The following NRG3 variants were observed in gnomAD, a reference collection of about 807,000 sequenced individuals.
The protein encoded by NRG3 is pro-neuregulin-3, membrane-bound isoform.
A neutral mutation model predicts 66.9 loss-of-function variants in NRG3; 31 were observed. The observed-to-expected ratio is 0.46, with a 90% CI of 0.35 to 0.63. NRG3 has a LOEUF of 0.63. NRG3 is among the 20% of genes least tolerant of loss of function. The pLI is 0.00. For synonymous variants in NRG3, 393 were observed against 359.4 expected, an observed-to-expected ratio of 1.09 and a Z score of -1.06; for missense variants, 910 against 878.9, an observed-to-expected ratio of 1.04 and a Z score of -0.45.
rs569666405 is a variant in NRG3 at position 82,824,576 on chromosome 10, C to T, written c.1028-40835C>T. ...ATTCTAGTTATAGTAGTGTGTGTGC[C>T]GTGGTATTCCATTGTGATTTTTATT... On this transcript the variant is annotated intron_variant, in intron 3 of 8. Transcript: ENST00000372141. 2.0e-5 allele frequency among the ~76,000 whole-genome samples: 3 copies of T among 152,144 alleles called. No homozygotes were observed. The East Asian group carries it at 5.8e-4, about 29-fold the overall frequency.
At chr10:82,074,982 C>A (rs575680812) in intron 1 of NRG3, among the ~76,000 whole-genome samples, 2 of 152,262 alleles carry the variant, frequency 1.3e-5, no homozygotes, top group East Asian at 3.9e-4. Flanking sequence ...GTCTCCATCA[C>A]TTTTTTTGTG....
At chr10:82,339,066 G>A (rs192552336) in intron 1 of NRG3, among the ~76,000 whole-genome samples, 1 of 152,256 alleles carries the variant, frequency 6.6e-6, no homozygotes, top group Admixed American at 6.5e-5. Context: ...GATGTATTGG[G>A]TACTTTATGC....
chr10:82,021,783 AGTATGTGTGTGTGTGTGTGTGTGT>A lies in NRG3; in HGVS notation c.823+145623_823+145646del, dbSNP rs1447480911. On this transcript the variant is annotated intron_variant, in intron 1 of 8. Coordinates refer to ENST00000372141, the MANE Select transcript of NRG3 (RefSeq NM_001010848.4). Reference sequence around the variant, plus strand: ...AACTCTAATAAGCTTTTGGGCATGTAGTATGTGTGTGTGTGTGTGTGTGTGTGTGTGTGTGTGTGTGTGTGTGTG... The same window carrying A: ...AACTCTAATAAGCTTTTGGGCATGTAGTGTGTGTGTGTGTGTGTGTGTGTG... 1.1e-3 allele frequency among the ~76,000 whole-genome samples: 166 copies of A among 146,524 alleles called. 2 individuals are homozygous for A. The highest frequency in any genetic ancestry group is 3.3e-3 in the Admixed American group (48 of 14,712).
chr10:82,537,883 A>G (rs991457561), intron 2 of NRG3, among the ~76,000 whole-genome samples: 2 of 152,146 alleles, frequency 1.3e-5, no homozygotes, highest in Non-Finnish European at 2.9e-5. Context: ...CCCATTATTA[A>G]TAGTTATTTA....
intron 1 of NRG3, among the ~76,000 whole-genome samples, chr10:82,353,972 T>C: frequency 6.6e-6 from 1 of 151,724 alleles, no homozygotes; most frequent in Middle Eastern, 3.2e-3. Context: ...CTTACTTCGC[T>C]TCCCAGAAAT....
intron 8 of NRG3, chr10:82,984,706 G>A: frequency 1.4e-6 from 2 of 1,438,070 alleles, no homozygotes; most frequent in Non-Finnish European, 1.9e-6. Flanking sequence ...GTGGACTAAT[G>A]CCATTATGGG....
At chr10:81,979,058 G>A (rs12411906) in intron 1 of NRG3, among the ~76,000 whole-genome samples, 8,350 of 151,930 alleles carry the variant, frequency 0.055, 617 homozygotes, top group East Asian at 0.27. Flanking sequence ...GCGTAGTGGC[G>A]CACGCCTGTA....
chr10:82,092,888 T>C (rs1465091409), intron 1 of NRG3, among the ~76,000 whole-genome samples: 1 of 152,156 alleles, frequency 6.6e-6, no homozygotes, highest in Non-Finnish European at 1.5e-5. Context: ...GTTGCTGCCA[T>C]GGAACATAAA....
rs536518919 is a variant in NRG3 at position 82,349,773 on chromosome 10, C to G, written c.824-8966C>G. Among the ~76,000 whole-genome samples the G allele has an allele frequency of 4.6e-5, 7 of 152,300 alleles. No individual in the cohort carries two copies. The East Asian group carries it at 9.7e-4, about 21-fold the overall frequency. On this transcript the variant is annotated intron_variant, in intron 1 of 8. Transcript: ENST00000372141. ...TGCGGGATAGAATCTCTTGGTGTGC[C>G]GTTTTTTAAGCCAGTCGGAAAAGCG...
At chr10:82,924,662 G>A (rs1184623499) in intron 4 of NRG3, among the ~76,000 whole-genome samples, 2 of 151,490 alleles carry the variant, frequency 1.3e-5, no homozygotes, top group Non-Finnish European at 2.9e-5. Context: ...AGCATTCAAA[G>A]CTACCTGGTA....
At chr10:82,383,043 A>T (rs7902815) in intron 2 of NRG3, among the ~76,000 whole-genome samples, 62,438 of 151,814 alleles carry the variant, frequency 0.41, 15,925 homozygotes, top group African/African-American at 0.72. Flanking sequence ...TATTTCACGG[A>T]ATACCTTCAA....
intron 1 of NRG3, 49 bp downstream of exon 1, chr10:81,876,212 C>T (rs1165313392): frequency 3.3e-6 from 5 of 1,518,706 alleles, no homozygotes; most frequent in Non-Finnish European, 4.4e-6. Flanking sequence ...AGTTTCCCTT[C>T]TGCCCTCCTG....
intron 3 of NRG3, among the ~76,000 whole-genome samples, chr10:82,813,776 A>G (rs1218438858): frequency 6.6e-6 from 1 of 152,210 alleles, no homozygotes; most frequent in Non-Finnish European, 1.5e-5. Flanking sequence ...GACCATAAAA[A>G]TCATTGACAA....
chr10:82,624,079 C>A (rs1261199687), intron 2 of NRG3, among the ~76,000 whole-genome samples: 1 of 152,106 alleles, frequency 6.6e-6, no homozygotes, highest in African/African-American at 2.4e-5. Context: ...TACTTAATAC[C>A]TCTGGGTTTA....
chr10:82,013,933 G>A (rs1053802749), intron 1 of NRG3, among the ~76,000 whole-genome samples: 2 of 152,036 alleles, frequency 1.3e-5, no homozygotes, highest in Admixed American at 6.6e-5. Flanking sequence ...TTAATAGCAC[G>A]TATTGGTGAT....
At position 82,408,125 on chromosome 10, in the gene NRG3, AAGAAAG is replaced by A. The variant is rs776460139; in HGVS notation, c.953+49259_953+49264del. On this transcript the variant is annotated intron_variant, in intron 2 of 8. Coordinates refer to ENST00000372141, the MANE Select transcript of NRG3 (RefSeq NM_001010848.4). Reference sequence around the variant, plus strand: ...AAAGAAAGAAAGAAAGAAAGAAAGAAAGAAAGAAAGAAAGAAAGAAAAGAAAAAGAA... The same window carrying A: ...AAAGAAAGAAAGAAAGAAAGAAAGAAAAAGAAAGAAAGAAAAGAAAAAGAA... Among the ~76,000 whole-genome samples, 429 of 144,506 alleles carry A rather than the reference AAGAAAG, an allele frequency of 3.0e-3. 3 individuals carry two copies. Among genetic ancestry groups the A allele is most frequent in the East Asian group, 7.1e-3 (32 of 4,528 alleles). The allele number at this position is 144,506 out of a possible 152,430, so 94.8% of individuals were successfully genotyped here. A position where few individuals can be genotyped will look rare whatever the true frequency, so the allele number is the denominator to read the frequency against.
chr10:81,946,275 C>T (rs1453355495), intron 1 of NRG3, among the ~76,000 whole-genome samples: 2 of 152,112 alleles, frequency 1.3e-5, no homozygotes, highest in East Asian at 3.9e-4. Flanking sequence ...CCTCGGCCTC[C>T]CAAAGTGCTG....
chr10:82,091,625 G>A (rs1441646273), intron 1 of NRG3, among the ~76,000 whole-genome samples: 1 of 152,114 alleles, frequency 6.6e-6, no homozygotes, highest in Non-Finnish European at 1.5e-5. Context: ...AAGACCAGCT[G>A]TACAAACAGA....
chr10:82,236,358 T>C (rs2076752278), intron 1 of NRG3, among the ~76,000 whole-genome samples: 1 of 152,146 alleles, frequency 6.6e-6, no homozygotes, highest in African/African-American at 2.4e-5. Context: ...CACTCCAAAA[T>C]GCTGAGGGAA....
Sources: gnomAD v4.1 joint callset for allele counts (sites outside exome capture counted in the v4.1 genomes callset) on GRCh38, gnomAD v4.1.1 for gene constraint, MANE v1.5 for transcripts, NCBI Gene and HGNC (gene_info 2026-07-23, HGNC 2026-07-21) for gene names.